The following CNTN4 variants were observed in gnomAD, a reference collection of about 807,000 sequenced individuals.
The protein encoded by CNTN4 is contactin-4.
In CNTN4, 77 loss-of-function variants were observed where a neutral mutation model predicts 122.5. That is an observed-to-expected ratio of 0.63 (90% CI 0.52 to 0.76). CNTN4 has a LOEUF of 0.76. Ranked by LOEUF, CNTN4 falls within the 30% of genes least tolerant of loss-of-function variation. CNTN4 has a pLI of 0.00. For missense variants in CNTN4, 1,256 were observed against 1,259.1 expected (o/e 1.00, Z 0.04); for synonymous variants, 512 against 447.0 (o/e 1.15, Z -1.83).
At chr3:3,005,920 G>A (rs62234366) in intron 14 of CNTN4, among the ~76,000 whole-genome samples, 3 of 140,058 alleles carry the variant, frequency 2.1e-5, no homozygotes, top group African/African-American at 8.0e-5. Context: ...GATTCTCACT[G>A]TGTCGCCCAG....
intron 2 of CNTN4, among the ~76,000 whole-genome samples, chr3:2,138,158 C>T (rs1260869628): frequency 1.3e-5 from 2 of 151,924 alleles, no homozygotes; most frequent in Non-Finnish European, 2.9e-5. Context: ...CCTCCACTTC[C>T]CGGGTTCAAG....
chr3:2,265,472 A>G (rs2041006264), intron 2 of CNTN4, among the ~76,000 whole-genome samples: 1 of 152,060 alleles, frequency 6.6e-6, no homozygotes, highest in Non-Finnish European at 1.5e-5. Context: ...ACTTTGTAAT[A>G]TAATTTGAAA....
At chr3:2,599,202 G>A (rs2080912923) in intron 4 of CNTN4, among the ~76,000 whole-genome samples, 1 of 151,972 alleles carries the variant, frequency 6.6e-6, no homozygotes, top group African/African-American at 2.4e-5. Context: ...AGCCCTCCTG[G>A]GCCACTCCTT....
intron 10 of CNTN4, 98 bp downstream of exon 10, chr3:2,887,322 G>T (rs911837114): frequency 2.7e-6 from 3 of 1,110,436 alleles, no homozygotes; most frequent in Non-Finnish European, 4.0e-6. Flanking sequence ...GGGAGAGATG[G>T]TGCAGAATAG....
At chr3:2,310,358 G>T (rs575331164) in intron 2 of CNTN4, among the ~76,000 whole-genome samples, 1 of 152,234 alleles carries the variant, frequency 6.6e-6, no homozygotes. Flanking sequence ...GGAGCTATGG[G>T]ATCTGCATGA....
chr3:2,290,508 G>A (rs987004810), intron 2 of CNTN4, among the ~76,000 whole-genome samples: 1 of 152,144 alleles, frequency 6.6e-6, no homozygotes, highest in African/African-American at 2.4e-5. Context: ...AGCAAGAAAG[G>A]CTGGATAAAA....
At chr3:2,545,390 T>A (rs183387263) in intron 3 of CNTN4, among the ~76,000 whole-genome samples, 3 of 152,116 alleles carry the variant, frequency 2.0e-5, no homozygotes, top group African/African-American at 7.2e-5. Flanking sequence ...TGGTCAAGTG[T>A]TGGGATCAGG....
At chr3:2,156,791 GAAGGATGATGTGTATT>G (rs539798516) in intron 2 of CNTN4, among the ~76,000 whole-genome samples, 73 of 152,254 alleles carry the variant, frequency 4.8e-4, no homozygotes, top group African/African-American at 1.7e-3. Flanking sequence ...ATACCATGAA[GAAGGATGATGTGTATT>G]AAGAGACCAT....
intron 7 of CNTN4, among the ~76,000 whole-genome samples, chr3:2,846,313 T>C (rs1161110274): frequency 6.6e-6 from 1 of 152,184 alleles, no homozygotes; most frequent in Non-Finnish European, 1.5e-5. Context: ...TGAATTCTCA[T>C]GAGATCTGAT....
chr3:2,463,709 A>C (rs910241562), intron 3 of CNTN4, among the ~76,000 whole-genome samples: 1 of 152,170 alleles, frequency 6.6e-6, no homozygotes, highest in African/African-American at 2.4e-5. Flanking sequence ...CAGTGAGCCA[A>C]GATCGTGCGA....
At chr3:2,483,358 C>A (rs572491836) in intron 3 of CNTN4, among the ~76,000 whole-genome samples, 1 of 152,120 alleles carries the variant, frequency 6.6e-6, no homozygotes, top group African/African-American at 2.4e-5. Flanking sequence ...AACTTGCTTT[C>A]GATTTTACCA....
chr3:2,368,302 G>C (rs1348634814), intron 3 of CNTN4, among the ~76,000 whole-genome samples: 1 of 152,046 alleles, frequency 6.6e-6, no homozygotes, highest in Non-Finnish European at 1.5e-5. Context: ...AAAGTGCTGG[G>C]ATTACAGGCG....
chr3:2,179,397 G>A (rs1014258297), intron 2 of CNTN4, among the ~76,000 whole-genome samples: 3 of 151,982 alleles, frequency 2.0e-5, no homozygotes, highest in African/African-American at 7.2e-5. Flanking sequence ...AAGGAGAGAA[G>A]AGACTTAGAT....
At chr3:2,822,670 G>A (rs571512729) in intron 7 of CNTN4, among the ~76,000 whole-genome samples, 9 of 152,170 alleles carry the variant, frequency 5.9e-5, no homozygotes, top group Non-Finnish European at 1.2e-4. Context: ...ACCACTGTCC[G>A]ATATAATGAT....
At chr3:2,626,377 G>T (rs112974430) in intron 4 of CNTN4, among the ~76,000 whole-genome samples, 18,867 of 151,668 alleles carry the variant, frequency 0.12, 1,354 homozygotes, top group Admixed American at 0.22. Context: ...GGCACCTGTA[G>T]TCCCAGCTAC....
chr3:2,329,634 A>T (rs2043633241), intron 2 of CNTN4, among the ~76,000 whole-genome samples: 2 of 152,212 alleles, frequency 1.3e-5, no homozygotes, highest in Admixed American at 1.3e-4. Flanking sequence ...CAAAAAACTC[A>T]AGTAGAGAAA....
chr3:2,631,001 A>C (rs1576287273), intron 4 of CNTN4, among the ~76,000 whole-genome samples: 1 of 152,160 alleles, frequency 6.6e-6, no homozygotes, highest in African/African-American at 2.4e-5. Context: ...TTCCCATGAG[A>C]TCTCAATCTA....
chr3:2,291,357 C>G (rs1371484045), intron 2 of CNTN4, among the ~76,000 whole-genome samples: 1 of 152,086 alleles, frequency 6.6e-6, no homozygotes, highest in African/African-American at 2.4e-5. Context: ...GAATTTATCT[C>G]CAAATTTTCA....
At chr3:2,190,045 A>C (rs974325585) in intron 2 of CNTN4, among the ~76,000 whole-genome samples, 4 of 152,146 alleles carry the variant, frequency 2.6e-5, no homozygotes, top group Non-Finnish European at 5.9e-5. Flanking sequence ...GTGCTTTCTT[A>C]ATAGTCCATT....
Sources: gnomAD v4.1 joint callset for allele counts (sites outside exome capture counted in the v4.1 genomes callset) on GRCh38, gnomAD v4.1.1 for gene constraint, MANE v1.5 for transcripts, NCBI Gene and HGNC (gene_info 2026-07-23, HGNC 2026-07-21) for gene names.